The following SBF1 variants were observed in gnomAD, a reference collection of about 807,000 sequenced individuals.
The protein encoded by SBF1 is myotubularin-related protein 5.
A neutral mutation model predicts 215.8 loss-of-function variants in SBF1; 65 were observed. The ratio of observed to expected loss-of-function variants is 0.30; its 90% CI spans 0.25 to 0.37. The LOEUF is 0.37. Ranked by LOEUF, SBF1 falls within the 10% of genes least tolerant of loss-of-function variation. The probability of loss-of-function intolerance (pLI) is 1.00; values close to 1 mark genes in which losing one functional copy is unlikely to be tolerated. For synonymous variants in SBF1, 1,410 were observed against 1,122.8 expected (o/e 1.26, Z -5.11); for missense variants, 2,634 against 2,667.8 (o/e 0.99, Z 0.28).
rs1269647520 is a variant in SBF1, at chr22:50,445,973, C to G, written c.*1169G>C. The G allele has an allele frequency of 6.5e-6, 1 of 153,810 alleles. No individual in the cohort carries two copies. The allele number at this position is 153,810 out of a possible 1,614,324, so 9.5% of individuals were successfully genotyped here. ...CTCTAGCCAGGTTCTCTGCCCCTCA[C>G]CAGCCCCTCTGGCCAGGTCACCAGC... On this transcript the variant is annotated 3_prime_UTR_variant, in exon 41 of 41. Transcript: ENST00000380817.
chr22:50,459,872 C>A, intron 26 of SBF1, 80 bp downstream of exon 26: 1 of 1,510,756 alleles, frequency 6.6e-7, no homozygotes, highest in Non-Finnish European at 9.1e-7. Flanking sequence ...TGACCAGAAG[C>A]CGTGGCCCAG....
rs767017894 is a variant in SBF1, at chr22:50,459,565, C to T, written c.3593G>A (p.Arg1198His). The change falls in exon 27 of 41, where the codon CGC (arginine) becomes CAC (histidine). Residue 1198 changes from arginine (R) to histidine (H), a missense_variant. Arg to His is a conservative substitution (Grantham distance 29, BLOSUM62 0). Transcript: ENST00000380817. ...RQNRFPVVCW[R>H]SGRSKAVLLR... ...CAGCACCGCCTTGGACCGCCCGCTG[C>T]GCCAGCAGACCACGGGGAAGCGGTT... 8.7e-6 allele frequency: 14 copies of T among 1,609,034 alleles called. No homozygotes were observed. The East Asian group carries it at 1.8e-4, about 20-fold the overall frequency.
At position 50,467,288 on chromosome 22, in the gene SBF1, CA is replaced by C. The variant is rs761993481; in HGVS notation, c.549+49del. The C allele has an allele frequency of 4.7e-6, 7 of 1,499,178 alleles. No individual in the cohort carries two copies. In the East Asian group the frequency reaches 1.1e-4, roughly 24 times the overall value. The allele number at this position is 1,499,178 out of a possible 1,614,324, so 92.9% of individuals were successfully genotyped here. ...GGGCTCCAAATACCTACCAGGGCCCCAGCAGGAGGGCCTGTGGCTGTGCAGA... is the reference window on the plus strand; with the variant it reads ...GGGCTCCAAATACCTACCAGGGCCCCGCAGGAGGGCCTGTGGCTGTGCAGA... On this transcript the variant is annotated intron_variant, in intron 5 of 40. Coordinates refer to ENST00000380817, the MANE Select transcript of SBF1 (RefSeq NM_002972.4).
intron 11 of SBF1, 31 bp from the exon 12 acceptor site, chr22:50,465,160 G>A: frequency 6.2e-7 from 1 of 1,613,858 alleles, no homozygotes; most frequent in Non-Finnish European, 8.5e-7. Flanking sequence ...GGTCCCTCAG[G>A]GGTCTCCACC....
rs568731072 is a variant in SBF1 at position 50,459,955 on chromosome 22, C to A, written c.3488G>T (p.Arg1163Leu). The A allele has an allele frequency of 2.5e-6, 4 of 1,613,628 alleles. No homozygotes were observed. Among genetic ancestry groups the A allele is most frequent in the Non-Finnish European group, 3.4e-6 (4 of 1,179,926 alleles). Reference sequence around the variant, plus strand: ...GCCAGCCCTGGCCGGCCCTCACCTGCGGCAGATGGCATACATGCGGTTGAC... The same window carrying A: ...GCCAGCCCTGGCCGGCCCTCACCTGAGGCAGATGGCATACATGCGGTTGAC... ...SPVNRMYAIC[R>L]SYPGLLIVPQ... Residue 1163 changes from arginine to leucine, a missense_variant, in exon 26 of 41, where the codon CGC becomes CTC. Transcript: ENST00000380817.
chr22:50,448,407 T>C lies in SBF1; in HGVS notation c.5189A>G (p.His1730Arg). The C allele has an allele frequency of 1.9e-6, 3 of 1,613,768 alleles. No homozygotes were observed. Among genetic ancestry groups the C allele is most frequent in the Non-Finnish European group, 2.5e-6 (3 of 1,179,994 alleles). ...GTACACACCCAGCGAGCGACGGTGG[T>C]GGGGTGCGGTGGACACAAGGAGGGA... ...PSSLLVSTAPHHRRSLGVYLQ... is the reference protein window; with the variant it reads ...PSSLLVSTAPRHRRSLGVYLQ... Residue 1730 changes from histidine to arginine, a missense_variant, in exon 38 of 41, where the codon CAC becomes CGC. Transcript: ENST00000380817.
rs2066808396 is a variant in SBF1 at position 50,446,356 on chromosome 22, T to TGCCC, written c.*785_*786insGGGC. On this transcript the variant is annotated 3_prime_UTR_variant, in exon 41 of 41. Transcript: ENST00000380817. ...CCTGCATTCCCCTGGGAGCCCACTG[T>TGCCC]CCCCCCCCCCCCCCCGCCTCCGGCC... The TGCCC allele has an allele frequency of 8.6e-5, 3 of 35,038 alleles. No homozygotes were observed. Among genetic ancestry groups the TGCCC allele is most frequent in the East Asian group, 1.0e-3 (2 of 1,906 alleles). The allele number at this position is 35,038 out of a possible 1,614,324, so 2.2% of individuals were successfully genotyped here. A position where few individuals can be genotyped will look rare whatever the true frequency, so the allele number is the denominator to read the frequency against.
Position 50,455,082 on chromosome 22 carries a change from A to G in SBF1, c.4615T>C (p.Tyr1539His), listed in dbSNP as rs374392861. 2 of 1,614,010 alleles carry G rather than the reference A, an allele frequency of 1.2e-6. No individual in the cohort carries two copies. Among genetic ancestry groups the G allele is most frequent in the East Asian group, 2.2e-5 (1 of 44,888 alleles). ...FSQFYLKFLG[Y>H]HHVSRRFRTF... ...CGGAAACGGCGGGACACATGGTGGTAGCCGAGGAACTTGAGGTAGAACTGG... is the reference window on the plus strand; with the variant it reads ...CGGAAACGGCGGGACACATGGTGGTGGCCGAGGAACTTGAGGTAGAACTGG... Residue 1539 changes from tyrosine (Y) to histidine (H), a missense_variant, in exon 34 of 41, where the codon TAC becomes CAC. Tyr to His is a moderately conservative substitution (Grantham distance 83, BLOSUM62 2). Coordinates refer to ENST00000380817, the MANE Select transcript of SBF1 (RefSeq NM_002972.4).
rs775031992 is a variant in SBF1 at position 50,446,849 on chromosome 22, C to G, written c.*293G>C. The G allele has an allele frequency of 6.8e-6, 5 of 731,208 alleles. No homozygotes were observed. The highest frequency in any genetic ancestry group is 5.1e-5 in the East Asian group (2 of 38,894). 45.3% of individuals were successfully genotyped at this position (731,208 alleles called of 1,614,324 possible). The stretch of plus-strand genomic sequence containing the variant: ...TATATAGACTCTGGTTCTAGAAACT[C>G]GCCTGCAGCCGCTGGCTGGACCAGC... On this transcript the variant is annotated 3_prime_UTR_variant, in exon 41 of 41. Coordinates refer to ENST00000380817, the MANE Select transcript of SBF1 (RefSeq NM_002972.4).
intron 23 of SBF1, among the ~76,000 whole-genome samples, 153 bp from the exon 24 acceptor site, chr22:50,460,865 G>A (rs78720833): frequency 1.3e-5 from 2 of 152,338 alleles, no homozygotes; most frequent in East Asian, 3.9e-4. Context: ...ACGAAGGCAA[G>A]CGCTTGTGTA....
In SBF1 at chr22:50,455,416, G is replaced by A. The variant is rs1271989865; in HGVS notation, c.4369-7C>T. 1 of 1,611,988 alleles carries A rather than the reference G, an allele frequency of 6.2e-7. No homozygotes were observed. The highest frequency in any genetic ancestry group is 1.7e-5 in the Admixed American group (1 of 59,952). ...GCTGCACCAAGGATACCACCTGCCA[G>A]CACCGCCAGGAGGTCAGCGAGGAGC... On this transcript the variant is annotated splice_polypyrimidine_tract_variant and splice_region_variant and intron_variant, in intron 32 of 40. Coordinates refer to ENST00000380817, the MANE Select transcript of SBF1 (RefSeq NM_002972.4).
At chr22:50,467,481 G>A (rs2067818370) in intron 4 of SBF1, 33 bp from the exon 5 acceptor site, 1 of 1,613,866 alleles carries the variant, frequency 6.2e-7, no homozygotes, top group Non-Finnish European at 8.5e-7. Flanking sequence ...TGGTGGGACA[G>A]CCGATGGAAG....
intron 1 of SBF1, among the ~76,000 whole-genome samples, chr22:50,471,562 G>A (rs2067996426): frequency 2.0e-5 from 3 of 152,176 alleles, no homozygotes; most frequent in South Asian, 4.1e-4. Flanking sequence ...TAGGAAAAGA[G>A]AAAAGAAGGA....
intron 23 of SBF1, 74 bp downstream of exon 23, chr22:50,461,085 A>G (rs184628914): frequency 7.9e-6 from 12 of 1,517,040 alleles, no homozygotes; most frequent in Non-Finnish European, 1.1e-5. Flanking sequence ...AAAATGGTTC[A>G]TACAAGAAAG....
Position 50,455,415 on chromosome 22 carries a change from A to G in SBF1, c.4369-6T>C. 1.2e-6 allele frequency: 2 copies of G among 1,612,100 alleles called. No individual in the cohort carries two copies. Among genetic ancestry groups the G allele is most frequent in the Non-Finnish European group, 1.7e-6 (2 of 1,179,014 alleles). ...AGCTGCACCAAGGATACCACCTGCC[A>G]GCACCGCCAGGAGGTCAGCGAGGAG... On this transcript the variant is annotated splice_polypyrimidine_tract_variant and splice_region_variant and intron_variant, in intron 32 of 40. Coordinates refer to ENST00000380817, the MANE Select transcript of SBF1 (RefSeq NM_002972.4).
chr22:50,464,257 A>G, intron 15 of SBF1, 72 bp downstream of exon 15: 3 of 1,275,496 alleles, frequency 2.4e-6, no homozygotes, highest in Non-Finnish European at 3.4e-6. Context: ...AGCACTCACA[A>G]GGGTGAAGTG....
At position 50,461,253 on chromosome 22, in the gene SBF1, A is replaced by G; in HGVS notation, c.2873T>C (p.Val958Ala). The G allele has an allele frequency of 6.3e-7, 1 of 1,589,546 alleles. No homozygotes were observed. The highest frequency in any genetic ancestry group is 8.6e-7 in the Non-Finnish European group (1 of 1,166,748). ...GCGCTTCTCCTTGGTCAGCGCAGCC[A>G]CCGGGAAGGAGCGGACCACCACCTG... Reference protein sequence around the residue: ...GEQVVVRSFPVAALTKEKRIS... With the variant: ...GEQVVVRSFPAAALTKEKRIS... The change falls in exon 23 of 41, where the codon GTG becomes GCG. Residue 958 changes from valine (V) to alanine (A), a missense_variant. Val to Ala is a moderately conservative substitution (Grantham distance 64, BLOSUM62 0). Coordinates refer to ENST00000380817, the MANE Select transcript of SBF1 (RefSeq NM_002972.4).
chr22:50,467,133 A>C, intron 5 of SBF1: 1 of 599,294 alleles, frequency 1.7e-6, no homozygotes. Flanking sequence ...GTGGACAGAG[A>C]GGCTGAACGA....
At chr22:50,463,064 A>C in intron 16 of SBF1, 126 bp from the exon 17 acceptor site, 1 of 1,171,308 alleles carries the variant, frequency 8.5e-7, no homozygotes. Flanking sequence ...CAGCTCCCCA[A>C]GGCTGCCTCA....
Sources: allele counts gnomAD v4.1 joint callset (sites outside exome capture counted in the v4.1 genomes callset), GRCh38; gene constraint gnomAD v4.1.1; transcripts MANE v1.5; gene names NCBI Gene and HGNC (gene_info 2026-07-23, HGNC 2026-07-21).